Variants in MALRD1 observed in about 807,000 individuals in gnomAD.
MALRD1 encodes the protein MAM and LDL receptor class A domain containing 1, also known as MAM and LDL-receptor class A domain-containing protein 1.
MALRD1 carries 247 observed loss-of-function variants against 242.1 expected under a neutral mutation model. The ratio of observed to expected loss-of-function variants is 1.02; its 90% CI spans 0.92 to 1.13. MALRD1 has a LOEUF of 1.13. Among genes scored for constraint, MALRD1 ranks in the 50% most tolerant of loss-of-function variants. MALRD1 has a pLI of 0.00. For synonymous variants in MALRD1, 995 were observed against 866.6 expected (o/e 1.15, Z -2.60); for missense variants, 2,989 against 2,533.1 (o/e 1.18, Z -3.86).
At chr10:19,297,981 G>A (rs1418498442) in intron 21 of MALRD1, among the ~76,000 whole-genome samples, 1 of 151,922 alleles carries the variant, frequency 6.6e-6, no homozygotes, top group African/African-American at 2.4e-5. Flanking sequence ...TAAGAGCAAC[G>A]GCTTGGGAGT....
intron 36 of MALRD1, among the ~76,000 whole-genome samples, chr10:19,680,980 C>CT (rs1209127856): frequency 6.6e-6 from 1 of 152,170 alleles, no homozygotes; most frequent in African/African-American, 2.4e-5. Context: ...CTCCCGATAT[C>CT]TTTTGGCTTG....
intron 9 of MALRD1, among the ~76,000 whole-genome samples, chr10:19,134,913 T>C (rs1180150255): frequency 6.6e-6 from 1 of 152,176 alleles, no homozygotes; most frequent in Non-Finnish European, 1.5e-5. Context: ...TTTTTGAACC[T>C]CAAATTGATA....
chr10:19,386,765 C>T (rs1846098464), intron 26 of MALRD1, among the ~76,000 whole-genome samples: 2 of 151,666 alleles, frequency 1.3e-5, no homozygotes, highest in African/African-American at 2.4e-5. Flanking sequence ...ATTAGCTTAA[C>T]TTCTCTAGGA....
chr10:19,148,485 T>A (rs542979611), intron 11 of MALRD1, among the ~76,000 whole-genome samples: 1 of 152,032 alleles, frequency 6.6e-6, no homozygotes, highest in South Asian at 2.1e-4. Context: ...AGATATTTGT[T>A]GTCCATTCTA....
intron 26 of MALRD1, among the ~76,000 whole-genome samples, chr10:19,364,543 G>A (rs969918782): frequency 2.0e-5 from 3 of 152,044 alleles, no homozygotes; most frequent in Non-Finnish European, 4.4e-5. Context: ...CATTATCTTG[G>A]TTATCAAGCT....
intron 24 of MALRD1, 66 bp from the exon 25 acceptor site, chr10:19,347,705 G>A: frequency 6.6e-7 from 1 of 1,510,686 alleles, no homozygotes. Flanking sequence ...CTGCAGTTTT[G>A]AATTGCATGT....
intron 4 of MALRD1, among the ~76,000 whole-genome samples, chr10:19,094,121 C>T (rs1835924858): frequency 9.0e-6 from 1 of 110,896 alleles, no homozygotes; most frequent in African/African-American, 3.6e-5. Flanking sequence ...GGGCTCCACC[C>T]AGTTGGAGCT....
rs146575701 is a variant in MALRD1 at position 19,255,255 on chromosome 10, A to C, written c.2992-2429A>C. Among the ~76,000 whole-genome samples the C allele has an allele frequency of 2.3e-4, 35 of 152,154 alleles. No homozygotes were observed. The East Asian group carries it at 6.8e-3, about 29-fold the overall frequency. ...CCTTTGAGGCACTCCGTAAGGTAGC[A>C]ATGGGACTTAGGAGTAAAATTCGAC... is the stretch of plus-strand genomic sequence containing the variant. On this transcript the variant is annotated intron_variant, in intron 18 of 39. Transcript: ENST00000454679.
At chr10:19,153,303 T>G (rs2131461317) in intron 11 of MALRD1, among the ~76,000 whole-genome samples, 1 of 152,372 alleles carries the variant, frequency 6.6e-6, no homozygotes, top group East Asian at 1.9e-4. Flanking sequence ...TGTCCTATTT[T>G]CATCCATTTT....
intron 36 of MALRD1, among the ~76,000 whole-genome samples, chr10:19,649,904 A>G (rs559094947): frequency 6.6e-6 from 1 of 152,184 alleles, no homozygotes; most frequent in South Asian, 2.1e-4. Context: ...ATTTTTATAT[A>G]TGGTGTGAGG....
At chr10:19,653,185 T>C (rs773379547) in intron 36 of MALRD1, among the ~76,000 whole-genome samples, 10 of 151,946 alleles carry the variant, frequency 6.6e-5, no homozygotes, top group African/African-American at 2.4e-4. Flanking sequence ...CTGATTTCTC[T>C]TTTATATTTT....
chr10:19,345,786 A>T (rs1038538769), intron 24 of MALRD1, among the ~76,000 whole-genome samples: 1 of 151,800 alleles, frequency 6.6e-6, no homozygotes, highest in South Asian at 2.1e-4. Context: ...TTCTTTCAAC[A>T]GCTAAAAATG....
intron 29 of MALRD1, among the ~76,000 whole-genome samples, chr10:19,453,573 T>TCC (rs889960440): frequency 2.0e-5 from 3 of 152,084 alleles, no homozygotes; most frequent in African/African-American, 7.2e-5. Context: ...ATAGTGAAAC[T>TCC]CCCATCTCTA....
chr10:19,134,415 A>ATATTTTGTG, intron 9 of MALRD1, among the ~76,000 whole-genome samples: 1 of 152,242 alleles, frequency 6.6e-6, no homozygotes, highest in Non-Finnish European at 1.5e-5. Flanking sequence ...AATTAAATTG[A>ATATTTTGTG]TATTTTGTGT....
rs1835181868 is a variant in MALRD1, at chr10:19,175,304, C to T, written c.1927C>T (p.Pro643Ser). The stretch of plus-strand genomic sequence containing the variant: ...ATGTGAAATTTCCTATAAATCACTA[C>T]CAAGGACCAGTACACAAAGCAAGTG... ...QECEISYKSLPRTSTQSKFSK... is the reference protein window; with the variant it reads ...QECEISYKSLSRTSTQSKFSK... The change falls in exon 14 of 40, where the codon CCA (proline) becomes TCA (serine). Residue 643 changes from proline (P) to serine (S), a missense_variant. Physicochemically the swap from Pro to Ser is moderately conservative, Grantham distance 74 (BLOSUM62 -1). Transcript: ENST00000454679. 8.1e-7 allele frequency: 1 copy of T among 1,230,444 alleles called. No homozygotes were observed. The highest frequency in any genetic ancestry group is 1.6e-5 in the African/African-American group (1 of 64,436). 76.2% of individuals were successfully genotyped at this position (1,230,444 alleles called of 1,614,324 possible).
rs568543261 is a variant in MALRD1 at position 19,186,866 on chromosome 10, G to A, written c.1951+11538G>A. Among the ~76,000 whole-genome samples the A allele has an allele frequency of 3.4e-3, 510 of 151,966 alleles. 2 individuals are homozygous for A. Among genetic ancestry groups the A allele is most frequent in the Non-Finnish European group, 5.7e-3 (389 of 67,992 alleles). On this transcript the variant is annotated intron_variant, in intron 14 of 39. Coordinates refer to ENST00000454679, the MANE Select transcript of MALRD1 (RefSeq NM_001142308.3). ...TTGTTCATTTTGTTTCCATTTTCAG[G>A]TTAGCAATGTGTGTGATAGGTAAAA...
intron 28 of MALRD1, among the ~76,000 whole-genome samples, chr10:19,397,968 C>A (rs1200574691): frequency 6.6e-6 from 1 of 151,230 alleles, no homozygotes; most frequent in Non-Finnish European, 1.5e-5. Context: ...ATTTAAGACT[C>A]ATGTATATTA....
In MALRD1 at chr10:19,673,398, A is replaced by G. The variant is rs1241111223; in HGVS notation, c.6138-18884A>G. On this transcript the variant is annotated intron_variant, in intron 36 of 39. Transcript: ENST00000454679. ...TGGGACTCCGTCTCAAAATAAATAA[A>G]TAAATAAAATTTTTTGCCTTTTCCT... Among the ~76,000 whole-genome samples the G allele has an allele frequency of 7.2e-5, 11 of 152,280 alleles. No individual in the cohort carries two copies. The East Asian group carries it at 2.1e-3, about 29-fold the overall frequency.
chr10:19,329,917 G>A (rs997732087), intron 23 of MALRD1, among the ~76,000 whole-genome samples: 1 of 152,100 alleles, frequency 6.6e-6, no homozygotes, highest in African/African-American at 2.4e-5. Flanking sequence ...GTACCTATAT[G>A]GCAGAAGATA....
Sources: allele counts gnomAD v4.1 joint callset (sites outside exome capture counted in the v4.1 genomes callset), GRCh38; gene constraint gnomAD v4.1.1; transcripts MANE v1.5; gene names NCBI Gene and HGNC (gene_info 2026-07-23, HGNC 2026-07-21).